The following BTRC variants were observed in gnomAD, a reference collection of about 807,000 sequenced individuals.
BTRC encodes the protein F-box/WD repeat-containing protein 1A.
In BTRC, 42 loss-of-function variants were observed where a neutral mutation model predicts 85.5. That is an observed-to-expected ratio of 0.49 (90% CI 0.38 to 0.64). The LOEUF is 0.64. BTRC is among the 30% of genes least tolerant of loss of function. The pLI, the probability that BTRC is intolerant of heterozygous loss-of-function variation, is 0.00. For missense variants in BTRC, 594 were observed against 743.5 expected (o/e 0.80, Z 2.34); for synonymous variants, 255 against 263.3 (o/e 0.97, Z 0.30).
chr10:101,370,925 T>C (rs1281392044), intron 1 of BTRC, among the ~76,000 whole-genome samples: 2 of 152,164 alleles, frequency 1.3e-5, no homozygotes, highest in South Asian at 2.1e-4. Flanking sequence ...CACATACATA[T>C]GTACCTATAT....
intron 1 of BTRC, among the ~76,000 whole-genome samples, chr10:101,423,939 C>G (rs181021714): frequency 6.6e-6 from 1 of 152,196 alleles, no homozygotes. Context: ...CTTTTAGAAT[C>G]CTTATTTTAG....
chr10:101,431,756 T>C (rs1241098851), intron 2 of BTRC, among the ~76,000 whole-genome samples: 3 of 152,192 alleles, frequency 2.0e-5, no homozygotes, highest in African/African-American at 7.2e-5. Context: ...TGCTAAGAGT[T>C]GTTAATTTTT....
chr10:101,505,063 T>G (rs987948280), intron 4 of BTRC, among the ~76,000 whole-genome samples: 4 of 93,320 alleles, frequency 4.3e-5, no homozygotes, highest in African/African-American at 4.8e-5. Context: ...TGCCTCAGCC[T>G]CCCAAGTAGC....
In BTRC at chr10:101,521,659, T is replaced by G. The variant is rs1203458029; in HGVS notation, c.345T>G (p.Thr115=). 5 of 1,614,024 alleles carry G rather than the reference T, an allele frequency of 3.1e-6. No individual in the cohort carries two copies. In the South Asian group the frequency reaches 5.5e-5, roughly 18 times the overall value. ...CVAKTKLANG[T]SSMIVPKQRK... ...TACAGACAAAACTTGCCAATGGCAC[T>G]TCCAGTATGATTGTGCCCAAGCAAC... The change falls in exon 5 of 15, where the codon ACT becomes ACG. Residue 115 remains threonine, a synonymous_variant. Coordinates refer to ENST00000370187, the MANE Select transcript of BTRC (RefSeq NM_033637.4).
intron 4 of BTRC, among the ~76,000 whole-genome samples, chr10:101,489,252 C>CT (rs891090123): frequency 9.5e-4 from 144 of 151,340 alleles, no homozygotes; most frequent in Middle Eastern, 3.4e-3. Flanking sequence ...CCAGACAACT[C>CT]TTTTTTTTTC....
intron 13 of BTRC, among the ~76,000 whole-genome samples, chr10:101,546,893 G>A (rs1410779904): frequency 6.6e-6 from 1 of 152,158 alleles, no homozygotes; most frequent in African/African-American, 2.4e-5. Flanking sequence ...TCCAAACAGA[G>A]AAACTAAGCC....
chr10:101,541,421 G>C, intron 13 of BTRC, among the ~76,000 whole-genome samples: 1 of 152,100 alleles, frequency 6.6e-6, no homozygotes, highest in East Asian at 1.9e-4. Flanking sequence ...CACCATGCCC[G>C]GCTGATTTTT....
rs1229079381 is a variant in BTRC, at chr10:101,509,341, G to A, written c.325-12298G>A. 4.6e-4 allele frequency among the ~76,000 whole-genome samples: 56 copies of A among 122,946 alleles called. 1 individual carries two copies. The highest frequency in any genetic ancestry group is 3.4e-3 in the East Asian group (13 of 3,770). The allele number at this position is 122,946 out of a possible 152,430, so 80.7% of individuals were successfully genotyped here. A position where few individuals can be genotyped will look rare whatever the true frequency, so the allele number is the denominator to read the frequency against. On this transcript the variant is annotated intron_variant, in intron 4 of 14. Transcript: ENST00000370187. The stretch of plus-strand genomic sequence containing the variant: ...GGGATCTCGGCTCACTGCAAGCTCC[G>A]CCTCCCGGGTTCACGCCATTCTCCT...
At chr10:101,384,564 G>A (rs1489285414) in intron 1 of BTRC, among the ~76,000 whole-genome samples, 4 of 152,104 alleles carry the variant, frequency 2.6e-5, no homozygotes, top group Non-Finnish European at 4.4e-5. Flanking sequence ...TATTAGATAC[G>A]AGTAGGAATC....
chr10:101,454,665 TTAGC>T (rs1945029879), intron 2 of BTRC, among the ~76,000 whole-genome samples: 1 of 152,058 alleles, frequency 6.6e-6, no homozygotes, highest in African/African-American at 2.4e-5. Context: ...ACCTGTAGTC[TTAGC>T]TAGTAGGGAG....
rs895544229 is a variant in BTRC at position 101,554,990 on chromosome 10, A to G, written c.*1867A>G. 11 of 152,200 alleles carry G rather than the reference A, an allele frequency of 7.2e-5. No homozygotes were observed. The highest frequency in any genetic ancestry group is 2.4e-4 in the African/African-American group (10 of 41,446). The allele number at this position is 152,200 out of a possible 1,614,324, so 9.4% of individuals were successfully genotyped here. A position where few individuals can be genotyped will look rare whatever the true frequency, so the allele number is the denominator to read the frequency against. ...TAGTTCAAGGTTATATTCAGAAAAT[A>G]TTTCCCAGTATAATGATACATCGTA... On this transcript the variant is annotated 3_prime_UTR_variant, in exon 15 of 15. Coordinates refer to ENST00000370187, the MANE Select transcript of BTRC (RefSeq NM_033637.4).
intron 5 of BTRC, among the ~76,000 whole-genome samples, chr10:101,525,046 A>G (rs1168860649): frequency 2.0e-5 from 3 of 152,246 alleles, no homozygotes; most frequent in Admixed American, 6.5e-5. Context: ...AAGTCTGTAG[A>G]AAACCTCTGA....
At chr10:101,479,275 G>T in intron 3 of BTRC, 93 bp from the exon 4 acceptor site, 1 of 908,924 alleles carries the variant, frequency 1.1e-6, no homozygotes, top group Non-Finnish European at 1.7e-6. Context: ...ATCTATTTGT[G>T]TTTTGACTTG....
chr10:101,376,515 A>G (rs925684486), intron 1 of BTRC, among the ~76,000 whole-genome samples: 1 of 152,218 alleles, frequency 6.6e-6, no homozygotes, highest in Non-Finnish European at 1.5e-5. Context: ...TAGAAGAGGT[A>G]TATCTAGTGG....
chr10:101,365,801 C>T lies in BTRC; in HGVS notation c.48+11573C>T, dbSNP rs116915140. The stretch of plus-strand genomic sequence containing the variant: ...CTTCTTTCAATTCTTTTATGTTTTA[C>T]GGATTTTCTACAGTGAATATATATC... On this transcript the variant is annotated intron_variant, in intron 1 of 14. Coordinates refer to ENST00000370187, the MANE Select transcript of BTRC (RefSeq NM_033637.4). 6.1e-3 allele frequency among the ~76,000 whole-genome samples: 934 copies of T among 152,178 alleles called. 6 individuals are homozygous for T. The highest frequency in any genetic ancestry group is 8.7e-3 in the Non-Finnish European group (594 of 67,992).
At chr10:101,509,719 ATTTTTTTTTT>A (rs549474862) in intron 4 of BTRC, among the ~76,000 whole-genome samples, 4 of 120,354 alleles carry the variant, frequency 3.3e-5, no homozygotes, top group Non-Finnish European at 4.9e-5. Flanking sequence ...CACACAGCTA[ATTTTTTTTTT>A]TTTTTTTTTT....
intron 3 of BTRC, among the ~76,000 whole-genome samples, chr10:101,467,799 C>T (rs898028729): frequency 1.3e-5 from 2 of 151,870 alleles, no homozygotes; most frequent in Admixed American, 6.6e-5. Context: ...TTTTAATTAC[C>T]TATTTATAAA....
intron 4 of BTRC, among the ~76,000 whole-genome samples, chr10:101,484,517 G>C (rs1406219653): frequency 6.6e-6 from 1 of 152,174 alleles, no homozygotes; most frequent in Admixed American, 6.5e-5. Context: ...CAATGCAGAC[G>C]TTTGCACTTC....
chr10:101,446,896 C>T (rs1052035824), intron 2 of BTRC, among the ~76,000 whole-genome samples: 1 of 145,034 alleles, frequency 6.9e-6, no homozygotes, highest in African/African-American at 2.6e-5. Flanking sequence ...TTGCTTTAGT[C>T]ATTTGTATTC....
Sources: gnomAD v4.1 joint callset for allele counts (sites outside exome capture counted in the v4.1 genomes callset) on GRCh38, gnomAD v4.1.1 for gene constraint, MANE v1.5 for transcripts, NCBI Gene and HGNC (gene_info 2026-07-23, HGNC 2026-07-21) for gene names.